Variants in SLC24A4 observed in about 807,000 individuals in gnomAD.
The protein encoded by SLC24A4 is solute carrier family 24 member 4.
In SLC24A4, 53 loss-of-function variants were observed where a neutral mutation model predicts 79.0. That is an observed-to-expected ratio of 0.67 (90% CI 0.54 to 0.84). The LOEUF is 0.84. Ranked by LOEUF, SLC24A4 falls within the 40% of genes least tolerant of loss-of-function variation. The pLI is 0.00. For missense variants in SLC24A4, 731 were observed against 822.0 expected (o/e 0.89, Z 1.35); for synonymous variants, 323 against 323.8 (o/e 1.00, Z 0.03).
chr14:92,456,915 C>T (rs1595312954), intron 12 of SLC24A4, among the ~76,000 whole-genome samples: 1 of 152,138 alleles, frequency 6.6e-6, no homozygotes, highest in Admixed American at 6.5e-5. Context: ...TCAGTGCAGT[C>T]GATCTTTTGT....
intron 2 of SLC24A4, among the ~76,000 whole-genome samples, chr14:92,369,988 G>A (rs1239898741): frequency 6.6e-6 from 1 of 151,880 alleles, no homozygotes; most frequent in Non-Finnish European, 1.5e-5. Flanking sequence ...CTTTCAAAAT[G>A]GTTTCACAAA....
intron 16 of SLC24A4, chr14:92,493,036 C>A: frequency 2.6e-6 from 1 of 381,754 alleles, no homozygotes; most frequent in Non-Finnish European, 5.1e-6. Flanking sequence ...ATTTGCCCAG[C>A]CAGGGGTCCA....
intron 3 of SLC24A4, among the ~76,000 whole-genome samples, chr14:92,436,749 C>T (rs1488625976): frequency 1.3e-5 from 2 of 152,188 alleles, no homozygotes; most frequent in Non-Finnish European, 2.9e-5. Flanking sequence ...CTTCTCTCCT[C>T]ATTGTTTCTC....
At chr14:92,327,001 G>T (rs1885182117) in intron 2 of SLC24A4, among the ~76,000 whole-genome samples, 1 of 152,134 alleles carries the variant, frequency 6.6e-6, no homozygotes, top group Non-Finnish European at 1.5e-5. Flanking sequence ...GTGTTAAATT[G>T]TCATACTCTG....
chr14:92,367,170 TC>T (rs1887893266), intron 2 of SLC24A4, among the ~76,000 whole-genome samples: 1 of 152,200 alleles, frequency 6.6e-6, no homozygotes, highest in African/African-American at 2.4e-5. Context: ...CTGGGAAATG[TC>T]CTTTAATATT....
intron 12 of SLC24A4, among the ~76,000 whole-genome samples, chr14:92,464,170 AAG>A (rs1387252431): frequency 6.6e-6 from 1 of 152,250 alleles, no homozygotes; most frequent in East Asian, 1.9e-4. Context: ...ATATTCTTTT[AAG>A]TTTTCTGTGG....
chr14:92,459,089 A>G (rs1893648118), intron 12 of SLC24A4, among the ~76,000 whole-genome samples: 1 of 152,210 alleles, frequency 6.6e-6, no homozygotes. Flanking sequence ...GAATCCTGGT[A>G]TCAAGGCTGT....
At chr14:92,471,737 A>T (rs1894451574) in intron 12 of SLC24A4, among the ~76,000 whole-genome samples, 1 of 152,128 alleles carries the variant, frequency 6.6e-6, no homozygotes, top group Admixed American at 6.5e-5. Flanking sequence ...CAAGGAAAGG[A>T]GTCAGCCCCT....
At chr14:92,469,134 T>C (rs1333713285) in intron 12 of SLC24A4, among the ~76,000 whole-genome samples, 1 of 151,948 alleles carries the variant, frequency 6.6e-6, no homozygotes, top group Non-Finnish European at 1.5e-5. Context: ...ATGGGTATAA[T>C]CCAGAAAAGG....
intron 2 of SLC24A4, among the ~76,000 whole-genome samples, chr14:92,400,335 A>G (rs138794761): frequency 0.017 from 2,473 of 149,298 alleles, 29 homozygotes; most frequent in Non-Finnish European, 0.023. Context: ...GCTACTCGGG[A>G]GGCTGAGGCA....
At position 92,492,329 on chromosome 14, in the gene SLC24A4, C is replaced by A. The variant is rs1895728520; in HGVS notation, c.1716+89C>A. 11 of 1,231,996 alleles carry A rather than the reference C, an allele frequency of 8.9e-6. No individual in the cohort carries two copies. In the South Asian group the frequency reaches 1.3e-4, roughly 14 times the overall value. The allele number at this position is 1,231,996 out of a possible 1,614,324, so 76.3% of individuals were successfully genotyped here. A position where few individuals can be genotyped will look rare whatever the true frequency, so the allele number is the denominator to read the frequency against. Reference sequence around the variant, plus strand: ...GTCACTTACGTGACTCTGTACACCCCTGTCACTTCCCTTGGTAGTGAAGGA... The same window carrying A: ...GTCACTTACGTGACTCTGTACACCCATGTCACTTCCCTTGGTAGTGAAGGA... On this transcript the variant is annotated intron_variant, in intron 16 of 16. Coordinates refer to ENST00000532405, the MANE Select transcript of SLC24A4 (RefSeq NM_153646.4).
Position 92,498,583 on chromosome 14 carries a change from C to T in SLC24A4, c.*4955C>T, listed in dbSNP as rs1430281564. On this transcript the variant is annotated 3_prime_UTR_variant, in exon 17 of 17. Coordinates refer to ENST00000532405, the MANE Select transcript of SLC24A4 (RefSeq NM_153646.4). The stretch of plus-strand genomic sequence containing the variant: ...CGCCATGTTGGCTGGTTGCAACCTC[C>T]ACCTCCTGGGTTCAAGTGATTCTCC... 1.3e-5 allele frequency: 2 copies of T among 151,912 alleles called. No individual in the cohort carries two copies. The highest frequency in any genetic ancestry group is 4.8e-5 in the African/African-American group (2 of 41,304). The allele number at this position is 151,912 out of a possible 1,614,324, so 9.4% of individuals were successfully genotyped here.
chr14:92,423,382 C>T (rs1360183006), intron 2 of SLC24A4, among the ~76,000 whole-genome samples: 1 of 152,166 alleles, frequency 6.6e-6, no homozygotes, highest in Non-Finnish European at 1.5e-5. Flanking sequence ...TGGACTCAAG[C>T]AATCTGCCTG....
intron 2 of SLC24A4, among the ~76,000 whole-genome samples, chr14:92,383,224 C>T (rs989249792): frequency 2.6e-5 from 4 of 152,216 alleles, no homozygotes; most frequent in African/African-American, 9.6e-5. Flanking sequence ...CAAGTCTAGC[C>T]ACAGCTGGAA....
chr14:92,454,919 T>C (rs1431599100), intron 11 of SLC24A4, among the ~76,000 whole-genome samples: 1 of 152,230 alleles, frequency 6.6e-6, no homozygotes, highest in African/African-American at 2.4e-5. Flanking sequence ...CTTTCATGCA[T>C]GCATTAATTG....
At chr14:92,431,801 C>G (rs990318942) in intron 2 of SLC24A4, among the ~76,000 whole-genome samples, 1 of 152,172 alleles carries the variant, frequency 6.6e-6, no homozygotes, top group Admixed American at 6.5e-5. Flanking sequence ...AGAGAAGTTT[C>G]ATGATGTGAC....
chr14:92,409,367 C>T (rs923971094), intron 2 of SLC24A4, among the ~76,000 whole-genome samples: 6 of 152,136 alleles, frequency 3.9e-5, no homozygotes, highest in Admixed American at 6.5e-5. Flanking sequence ...GTTTCTGAAG[C>T]GTAGTGACGG....
intron 2 of SLC24A4, among the ~76,000 whole-genome samples, chr14:92,355,142 G>A (rs1195754901): frequency 5.3e-5 from 8 of 152,180 alleles, no homozygotes; most frequent in East Asian, 1.9e-4. Flanking sequence ...GGGCCCTAGA[G>A]TACTTGTTGG....
At chr14:92,452,907 C>A in intron 10 of SLC24A4, 1 of 152,318 alleles carries the variant, frequency 6.6e-6, no homozygotes, top group Non-Finnish European at 1.5e-5. Flanking sequence ...CGGACCTATT[C>A]GCTGGTTACC....
Sources: allele counts gnomAD v4.1 joint callset (sites outside exome capture counted in the v4.1 genomes callset), GRCh38; gene constraint gnomAD v4.1.1; transcripts MANE v1.5; gene names NCBI Gene and HGNC (gene_info 2026-07-23, HGNC 2026-07-21).